Variants in TANC2 observed in about 807,000 individuals in gnomAD.
TANC2 encodes the protein tetratricopeptide repeat, ankyrin repeat and coiled-coil containing 2, also known as protein TANC2.
Under a neutral mutation model 210.5 loss-of-function variants are expected in TANC2, and 26 were observed. The ratio of observed to expected loss-of-function variants is 0.12; its 90% CI spans 0.09 to 0.17. The LOEUF (loss-of-function observed/expected upper bound fraction) is 0.17, where lower values mean the gene tolerates loss of function less well. Ranked by LOEUF, TANC2 falls within the 10% of genes least tolerant of loss-of-function variation. The pLI is 1.00. For synonymous variants in TANC2, 931 were observed against 967.1 expected (o/e 0.96, Z 0.69); for missense variants, 2,129 against 2,608.9 (o/e 0.82, Z 4.01).
At chr17:63,063,042 G>T (rs2036052150) in intron 2 of TANC2, among the ~76,000 whole-genome samples, 1 of 152,144 alleles carries the variant, frequency 6.6e-6, no homozygotes, top group Admixed American at 6.5e-5. Flanking sequence ...AAAATTGGAG[G>T]TCCCCACAAC....
chr17:62,981,134 C>A (rs1222214429), intron 1 of TANC2, among the ~76,000 whole-genome samples: 1 of 152,180 alleles, frequency 6.6e-6, no homozygotes, highest in Non-Finnish European at 1.5e-5. Context: ...GTCTTGTTAA[C>A]TCTAGTTCTT....
At chr17:62,968,752 C>A (rs372396319) in intron 1 of TANC2, among the ~76,000 whole-genome samples, 19 of 152,158 alleles carry the variant, frequency 1.2e-4, no homozygotes, top group Non-Finnish European at 2.6e-4. Context: ...TTATGTAGAT[C>A]TGTGAATCAC....
intron 8 of TANC2, among the ~76,000 whole-genome samples, chr17:63,255,722 A>C (rs1440119192): frequency 6.6e-6 from 1 of 151,784 alleles, no homozygotes; most frequent in Non-Finnish European, 1.5e-5. Flanking sequence ...TCTGGCTAAA[A>C]GTTTGTCAAT....
chr17:63,155,754 G>A (rs888036878), intron 5 of TANC2, among the ~76,000 whole-genome samples: 3 of 152,220 alleles, frequency 2.0e-5, no homozygotes, highest in South Asian at 4.1e-4. Flanking sequence ...AGCAAAATTA[G>A]CATATATTTA....
At chr17:63,320,463 T>C (rs951303262) in intron 11 of TANC2, 8 of 152,116 alleles carry the variant, frequency 5.3e-5, no homozygotes, top group African/African-American at 1.9e-4. Context: ...TATTCTTCAT[T>C]TTGGTGGAGC....
At position 63,420,959 on chromosome 17, in the gene TANC2, T is replaced by A; in HGVS notation, c.5229T>A (p.Val1743=). 6.2e-7 allele frequency: 1 copy of A among 1,613,962 alleles called. No homozygotes were observed. The highest frequency in any genetic ancestry group is 8.5e-7 in the Non-Finnish European group (1 of 1,179,884). The stretch of plus-strand genomic sequence containing the variant: ...TAGGAGTCAGCCAGAGCCGGTTGGT[T>A]TATCAAGGGTCAATTGGGGGAATCG... The change falls in exon 28 of 28, where the codon GTT becomes GTA. Residue 1743 remains valine (V), a synonymous_variant. Transcript: ENST00000689528. The surrounding 1 kb of genome is among the most constrained non-coding windows in gnomAD (Gnocchi z 4.2).
rs376038640 is a variant in TANC2 at position 63,128,546 on chromosome 17, AGGCCTT to A, written c.323-22717_323-22712del. Among the ~76,000 whole-genome samples the A allele has an allele frequency of 1.9e-3, 284 of 152,384 alleles. 1 individual carries two copies. The highest frequency in any genetic ancestry group is 6.6e-3 in the African/African-American group (273 of 41,592). On this transcript the variant is annotated intron_variant, in intron 4 of 27. Coordinates refer to ENST00000689528, the Ensembl canonical transcript of TANC2. ...AAGTTGGAATTCATATTCAAACAAA[AGGCCTT>A]GGCCTTACAGCAAGAGTTTGTTTAA... is the stretch of plus-strand genomic sequence containing the variant.
At chr17:62,977,280 CT>C (rs1303160280) in intron 1 of TANC2, among the ~76,000 whole-genome samples, 1 of 152,104 alleles carries the variant, frequency 6.6e-6, no homozygotes, top group African/African-American at 2.4e-5. Flanking sequence ...ATTATTGAAT[CT>C]TTTTCTTTAA....
chr17:63,088,179 C>T (rs909294875), intron 3 of TANC2: 1 of 152,020 alleles, frequency 6.6e-6, no homozygotes, highest in African/African-American at 2.4e-5. Context: ...TATTAATTCT[C>T]TTGTGTAGAA....
chr17:63,363,370 C>G (rs933289917), intron 14 of TANC2, among the ~76,000 whole-genome samples: 4 of 152,152 alleles, frequency 2.6e-5, no homozygotes, highest in Non-Finnish European at 5.9e-5. Flanking sequence ...TTGCTGAGGT[C>G]CCATTTGTCC....
intron 1 of TANC2, among the ~76,000 whole-genome samples, chr17:62,971,665 C>T: frequency 6.6e-6 from 1 of 152,158 alleles, no homozygotes; most frequent in East Asian, 1.9e-4. Flanking sequence ...GTCTCTAACC[C>T]CTGGACCATC....
intron 9 of TANC2, among the ~76,000 whole-genome samples, chr17:63,309,126 T>G (rs866716006): frequency 6.6e-6 from 1 of 152,212 alleles, no homozygotes; most frequent in Non-Finnish European, 1.5e-5. Flanking sequence ...CATAGTTTAC[T>G]AAATCACCTT....
chr17:63,356,165 C>G (rs2046777991), intron 14 of TANC2, among the ~76,000 whole-genome samples: 1 of 152,164 alleles, frequency 6.6e-6, no homozygotes, highest in African/African-American at 2.4e-5. Context: ...ACTTGAGAAT[C>G]TTTCTCAACT....
At chr17:63,213,314 A>C (rs2041939625) in intron 7 of TANC2, among the ~76,000 whole-genome samples, 1 of 152,168 alleles carries the variant, frequency 6.6e-6, no homozygotes, top group Non-Finnish European at 1.5e-5. Flanking sequence ...CACAAAGAAA[A>C]CACCACAAAA....
intron 14 of TANC2, among the ~76,000 whole-genome samples, chr17:63,376,161 C>A (rs140742243): frequency 6.6e-6 from 1 of 151,736 alleles, no homozygotes; most frequent in Non-Finnish European, 1.5e-5. Flanking sequence ...GGGCCGGGTG[C>A]GGTGGCTCAC....
chr17:63,402,420 A>G (rs1254452277), intron 19 of TANC2, among the ~76,000 whole-genome samples: 1 of 152,196 alleles, frequency 6.6e-6, no homozygotes, highest in African/African-American at 2.4e-5. Flanking sequence ...ATATAGCTCA[A>G]TAAGTGTTTT....
intron 6 of TANC2, among the ~76,000 whole-genome samples, chr17:63,195,097 G>T (rs541766537): frequency 3.9e-5 from 6 of 152,240 alleles, no homozygotes; most frequent in African/African-American, 1.4e-4. Flanking sequence ...TATATATTGT[G>T]TGGATAAGTT....
intron 8 of TANC2, among the ~76,000 whole-genome samples, chr17:63,264,311 G>C (rs531228495): frequency 3.9e-4 from 59 of 152,292 alleles, no homozygotes; most frequent in Middle Eastern, 3.4e-3. Flanking sequence ...GGGTCTGGTG[G>C]TGAGAACTGC....
intron 6 of TANC2, among the ~76,000 whole-genome samples, chr17:63,196,271 T>TA (rs774608322): frequency 9.2e-5 from 14 of 152,184 alleles, no homozygotes; most frequent in South Asian, 6.2e-4. Flanking sequence ...GCTCTGTGAA[T>TA]AAAAAATGGG....
Sources: gnomAD v4.1 joint callset for allele counts (sites outside exome capture counted in the v4.1 genomes callset) on GRCh38, gnomAD v4.1.1 for gene constraint, Gnocchi (gnomAD v3.1) non-coding constraint, MANE v1.5 for transcripts, NCBI Gene and HGNC (gene_info 2026-07-23, HGNC 2026-07-21) for gene names.